Variants in ATXN7 observed in about 807,000 individuals in gnomAD.
ATXN7 encodes the protein ataxin 7.
Under a neutral mutation model 70.5 loss-of-function variants are expected in ATXN7, and 12 were observed. That is an observed-to-expected ratio of 0.17 (90% CI 0.11 to 0.28). The LOEUF (loss-of-function observed/expected upper bound fraction) is 0.28, where lower values mean the gene tolerates loss of function less well. Among genes scored for constraint, ATXN7 ranks in the 10% least tolerant of loss-of-function variants. ATXN7 has a pLI of 1.00. For missense variants in ATXN7, 1,256 were observed against 1,131.7 expected (o/e 1.11, Z -1.58); for synonymous variants, 498 against 448.7 (o/e 1.11, Z -1.39).
rs541068130 is a variant in ATXN7 at position 63,990,854 on chromosome 3, A to G, written c.1677A>G (p.Leu559=). The G allele has an allele frequency of 2.5e-6, 4 of 1,614,134 alleles. No individual in the cohort carries two copies. The highest frequency in any genetic ancestry group is 1.6e-4 in the Middle Eastern group (1 of 6,084). Residue 559 remains leucine (L), a synonymous_variant, in exon 11 of 13, where the codon CTA becomes CTG. Coordinates refer to ENST00000674280, the MANE Select transcript of ATXN7 (RefSeq NM_001377405.1). ...TGGAGAAGCATCTGAATGCACAGCT[A>G]TGGAAGTGAGTGCCTGTTGTTCTTG... ...LMVEKHLNAQ[L]WKKIPPVPST...
rs1407540453 is a variant in ATXN7, at chr3:63,912,764, C to T, written c.166C>T (p.Arg56Trp). The change falls in exon 3 of 13, where the codon CGG (arginine) becomes TGG (tryptophan). Residue 56 changes from arginine (R) to tryptophan (W), a missense_variant. Physicochemically the swap from Arg to Trp is moderately radical, Grantham distance 101. Coordinates refer to ENST00000674280, the MANE Select transcript of ATXN7 (RefSeq NM_001377405.1). ...GCAGCAGCACCCGCCACCGCCGCCA[C>T]GGCGCACACGGCCGGAGGACGGCGG... The part of the protein sequence containing the change: ...QRQQHPPPPP[R>W]RTRPEDGGPG... 5 of 1,358,088 alleles carry T rather than the reference C, an allele frequency of 3.7e-6. No individual in the cohort carries two copies. The highest frequency in any genetic ancestry group is 3.8e-6 in the Non-Finnish European group (4 of 1,055,282). The allele number at this position is 1,358,088 out of a possible 1,614,324, so 84.1% of individuals were successfully genotyped here.
chr3:63,995,006 A>T (rs1022497663), intron 11 of ATXN7, among the ~76,000 whole-genome samples: 2 of 152,130 alleles, frequency 1.3e-5, no homozygotes. Flanking sequence ...AATTAGCTGC[A>T]CCCTTCCTTT....
intron 5 of ATXN7, among the ~76,000 whole-genome samples, chr3:63,971,059 C>G (rs2075305629): frequency 6.6e-6 from 1 of 152,170 alleles, no homozygotes; most frequent in Non-Finnish European, 1.5e-5. Flanking sequence ...GGAGAGATGC[C>G]TTTGGCAGAG....
chr3:63,920,183 G>T (rs766051850), intron 4 of ATXN7, among the ~76,000 whole-genome samples: 1 of 152,092 alleles, frequency 6.6e-6, no homozygotes, highest in Non-Finnish European at 1.5e-5. Context: ...CTCATGTTTC[G>T]CAATTCATGG....
intron 5 of ATXN7, among the ~76,000 whole-genome samples, chr3:63,953,694 A>G (rs1043817623): frequency 2.0e-5 from 3 of 148,256 alleles, no homozygotes; most frequent in Non-Finnish European, 3.0e-5. Flanking sequence ...TCTGTCATCC[A>G]CGTTGGAGTG....
At chr3:63,960,896 A>C (rs1190949489) in intron 5 of ATXN7, among the ~76,000 whole-genome samples, 1 of 152,164 alleles carries the variant, frequency 6.6e-6, no homozygotes, top group Non-Finnish European at 1.5e-5. Context: ...TCTGTAATCT[A>C]GTCATACAAG....
intron 2 of ATXN7, chr3:63,912,039 G>A (rs1250613634): frequency 6.6e-6 from 1 of 152,326 alleles, no homozygotes; most frequent in African/African-American, 2.4e-5. Context: ...GAGCTGAGAG[G>A]GAGGGACCGG....
chr3:63,952,867 A>G (rs868827438), intron 5 of ATXN7, among the ~76,000 whole-genome samples: 1 of 35,790 alleles, frequency 2.8e-5, no homozygotes, highest in African/African-American at 1.5e-4. Flanking sequence ...TTTTTTTTTT[A>G]AGGAAATGTG....
chr3:63,909,136 A>T (rs114853508), intron 2 of ATXN7, among the ~76,000 whole-genome samples: 9 of 152,364 alleles, frequency 5.9e-5, no homozygotes, highest in Admixed American at 5.2e-4. Context: ...CAAGCCATAT[A>T]AAATGAATTA....
intron 6 of ATXN7, 79 bp downstream of exon 6, chr3:63,980,246 T>C: frequency 6.5e-7 from 1 of 1,535,046 alleles, no homozygotes; most frequent in Non-Finnish European, 8.9e-7. Flanking sequence ...TGAGAGTGCC[T>C]GTGAGTAATA....
intron 5 of ATXN7, among the ~76,000 whole-genome samples, chr3:63,962,920 TTTTTTTC>T (rs1186811171): frequency 6.6e-6 from 1 of 150,962 alleles, no homozygotes; most frequent in East Asian, 1.9e-4. Context: ...TTTTTTTTTT[TTTTTTTC>T]TTCTTCAAGA....
intron 12 of ATXN7, 122 bp from the exon 13 acceptor site, chr3:63,999,328 C>A: frequency 1.3e-6 from 1 of 776,752 alleles, no homozygotes; most frequent in Non-Finnish European, 2.2e-6. Flanking sequence ...TGGTGTCACT[C>A]AGTCAATGGA....
intron 11 of ATXN7, 89 bp downstream of exon 11, chr3:63,990,948 A>G (rs1575998207): frequency 6.3e-7 from 1 of 1,588,818 alleles, no homozygotes; most frequent in East Asian, 2.3e-5. Flanking sequence ...TTATGAAGAT[A>G]TGCTTATCTA....
At chr3:63,971,133 T>G (rs1424615454) in intron 5 of ATXN7, among the ~76,000 whole-genome samples, 2 of 152,204 alleles carry the variant, frequency 1.3e-5, no homozygotes, top group Non-Finnish European at 2.9e-5. Flanking sequence ...CAGTTAAATC[T>G]CTCTAGTGGA....
chr3:63,911,031 G>C (rs1489390591), intron 2 of ATXN7, among the ~76,000 whole-genome samples: 2 of 151,158 alleles, frequency 1.3e-5, no homozygotes. Context: ...AGATGTTTGA[G>C]GTACAAAAAA....
chr3:63,957,843 G>T (rs2075063818), intron 5 of ATXN7, among the ~76,000 whole-genome samples: 1 of 152,210 alleles, frequency 6.6e-6, no homozygotes, highest in African/African-American at 2.4e-5. Flanking sequence ...TGTTAAATCA[G>T]ATGTTTAAAG....
chr3:63,865,582 G>T lies in ATXN7; in HGVS notation c.-111+1424G>T, dbSNP rs1575824024. 2.0e-5 allele frequency among the ~76,000 whole-genome samples: 3 copies of T among 152,028 alleles called. No individual in the cohort carries two copies. The South Asian group carries it at 6.2e-4, about 32-fold the overall frequency. On this transcript the variant is annotated intron_variant, in intron 1 of 12. Transcript: ENST00000674280. Reference sequence around the variant, plus strand: ...CAATACCAAGTTGCATTTTGGTGGGGATAGTTATTGTTTAGAAAGTAATTG... The same window carrying T: ...CAATACCAAGTTGCATTTTGGTGGGTATAGTTATTGTTTAGAAAGTAATTG...
intron 10 of ATXN7, 43 bp from the exon 11 acceptor site, chr3:63,990,695 A>G: frequency 6.2e-7 from 1 of 1,613,808 alleles, no homozygotes; most frequent in Non-Finnish European, 8.5e-7. Flanking sequence ...TGGGCATGCC[A>G]GTGTGGGAGT....
At chr3:63,863,832 AGGCGGCGGTT>A (rs1307235786), upstream of ATXN7, 3 of 1,218,474 alleles carry the variant, frequency 2.5e-6, no homozygotes, top group Admixed American at 4.5e-5. Flanking sequence ...GCGCAAGCTG[AGGCGGCGGTT>A]GGCGGCGGCG....
Sources: allele counts gnomAD v4.1 joint callset (sites outside exome capture counted in the v4.1 genomes callset), GRCh38; gene constraint gnomAD v4.1.1; transcripts MANE v1.5; gene names NCBI Gene and HGNC (gene_info 2026-07-23, HGNC 2026-07-21).